Variants in PCDHA12 observed in about 807,000 individuals in gnomAD.
PCDHA12 encodes protocadherin alpha-12.
In PCDHA12, 44 loss-of-function variants were observed where a neutral mutation model predicts 60.0. That is an observed-to-expected ratio of 0.73 (90% CI 0.58 to 0.94). The LOEUF (loss-of-function observed/expected upper bound fraction) is 0.94, where lower values mean the gene tolerates loss of function less well. Ranked by LOEUF, PCDHA12 falls within the 40% of genes least tolerant of loss-of-function variation. PCDHA12 has a pLI of 0.00. For missense variants in PCDHA12, 1,276 were observed against 1,239.7 expected, an observed-to-expected ratio of 1.03 and a Z score of -0.44; for synonymous variants, 569 against 553.0, an observed-to-expected ratio of 1.03 and a Z score of -0.40.
intron 1 of PCDHA12, among the ~76,000 whole-genome samples, chr5:140,940,583 G>A (rs1294741133): frequency 6.6e-6 from 1 of 151,990 alleles, no homozygotes; most frequent in East Asian, 1.9e-4. Flanking sequence ...AAAGTGTTGG[G>A]ATTTCAGGCA....
At chr5:141,003,913 T>C (rs1554259375) in intron 3 of PCDHA12, among the ~76,000 whole-genome samples, 1 of 152,206 alleles carries the variant, frequency 6.6e-6, no homozygotes, top group African/African-American at 2.4e-5. Flanking sequence ...GGGTCTTGAC[T>C]GCATCCTCAG....
chr5:140,916,003 A>G (rs971043760), intron 1 of PCDHA12, among the ~76,000 whole-genome samples: 1 of 152,146 alleles, frequency 6.6e-6, no homozygotes, highest in Non-Finnish European at 1.5e-5. Context: ...CACTCAAACC[A>G]CAAGACAAAG....
intron 1 of PCDHA12, among the ~76,000 whole-genome samples, chr5:140,878,558 C>T: frequency 6.6e-6 from 1 of 152,172 alleles, no homozygotes; most frequent in African/African-American, 2.4e-5. Flanking sequence ...TGATCCCAAA[C>T]TTATCATAGT....
chr5:140,957,473 G>A (rs1307847703), intron 1 of PCDHA12, among the ~76,000 whole-genome samples: 1 of 151,954 alleles, frequency 6.6e-6, no homozygotes, highest in Non-Finnish European at 1.5e-5. Context: ...GTATGTATAG[G>A]AAAAAACATA....
At chr5:140,893,327 GT>G (rs2063928643) in intron 1 of PCDHA12, among the ~76,000 whole-genome samples, 1 of 152,164 alleles carries the variant, frequency 6.6e-6, no homozygotes, top group Non-Finnish European at 1.5e-5. Flanking sequence ...CTCCCATACT[GT>G]TTTCCTTAGT....
At chr5:140,884,539 G>A (rs782320700) in intron 1 of PCDHA12, 78 of 1,613,968 alleles carry the variant, frequency 4.8e-5, no homozygotes, top group Non-Finnish European at 6.2e-5. Flanking sequence ...GGCGGCCGAG[G>A]GTGTGCTCTG....
intron 1 of PCDHA12, chr5:140,928,385 T>G: frequency 6.2e-7 from 1 of 1,614,046 alleles, no homozygotes; most frequent in Middle Eastern, 1.7e-4. Flanking sequence ...TCTAGCTTGC[T>G]GGCAGTGGAA....
chr5:140,989,874 A>C (rs1328387054), intron 3 of PCDHA12, among the ~76,000 whole-genome samples: 1 of 152,098 alleles, frequency 6.6e-6, no homozygotes, highest in Admixed American at 6.6e-5. Context: ...TCTCTGCCTC[A>C]GCACTTGGAG....
At chr5:140,973,984 C>CT (rs2096610197) in intron 1 of PCDHA12, among the ~76,000 whole-genome samples, 1 of 152,186 alleles carries the variant, frequency 6.6e-6, no homozygotes, top group East Asian at 1.9e-4. Flanking sequence ...TTTTACAGAA[C>CT]TTCACCTGGA....
intron 1 of PCDHA12, among the ~76,000 whole-genome samples, chr5:140,935,795 C>T (rs1366379710): frequency 2.0e-5 from 3 of 151,764 alleles, no homozygotes; most frequent in Admixed American, 6.6e-5. Flanking sequence ...AAAATATAAA[C>T]GAGATTATTT....
At chr5:140,929,424 A>G in intron 1 of PCDHA12, 1 of 1,496,380 alleles carries the variant, frequency 6.7e-7, no homozygotes, top group East Asian at 2.3e-5. Flanking sequence ...ACATTTCATC[A>G]ATTGAACTAA....
chr5:140,929,246 C>T, intron 1 of PCDHA12: 1 of 1,613,738 alleles, frequency 6.2e-7, no homozygotes, highest in Non-Finnish European at 8.5e-7. Context: ...AATCTTGCCA[C>T]TGGGGTAGGA....
intron 1 of PCDHA12, among the ~76,000 whole-genome samples, chr5:140,879,380 T>C (rs1213546230): frequency 6.6e-6 from 1 of 152,106 alleles, no homozygotes; most frequent in Admixed American, 6.5e-5. Flanking sequence ...CAGAACAAGG[T>C]TGGAGAAACA....
intron 3 of PCDHA12, among the ~76,000 whole-genome samples, chr5:140,984,059 C>G (rs1269975627): frequency 6.6e-6 from 1 of 152,108 alleles, no homozygotes; most frequent in East Asian, 1.9e-4. Context: ...CAAATCTGTA[C>G]CCTCAGTGCC....
At chr5:140,950,882 G>C (rs1182849126) in intron 1 of PCDHA12, among the ~76,000 whole-genome samples, 1 of 151,764 alleles carries the variant, frequency 6.6e-6, no homozygotes, top group Non-Finnish European at 1.5e-5. Flanking sequence ...TTGTTCAATA[G>C]GTCTCTGAGA....
At chr5:140,942,139 A>C (rs1211983428) in intron 1 of PCDHA12, among the ~76,000 whole-genome samples, 1 of 152,248 alleles carries the variant, frequency 6.6e-6, no homozygotes, top group Non-Finnish European at 1.5e-5. Context: ...TTGTGGCTTT[A>C]CTTGACATAA....
chr5:140,994,747 G>A (rs2097648455), intron 3 of PCDHA12, among the ~76,000 whole-genome samples: 1 of 152,152 alleles, frequency 6.6e-6, no homozygotes, highest in Non-Finnish European at 1.5e-5. Context: ...ATGGCAAGTA[G>A]GATGTGGAGA....
chr5:140,997,324 T>C (rs1447294871), intron 3 of PCDHA12, among the ~76,000 whole-genome samples: 1 of 152,202 alleles, frequency 6.6e-6, no homozygotes, highest in Non-Finnish European at 1.5e-5. Context: ...TAGGCAGTTT[T>C]TTCGTTGTAC....
At chr5:140,897,682 A>G (rs1397590916) in intron 1 of PCDHA12, among the ~76,000 whole-genome samples, 3 of 152,186 alleles carry the variant, frequency 2.0e-5, no homozygotes, top group Non-Finnish European at 4.4e-5. Flanking sequence ...AGCATGATTT[A>G]TAGTCCTTTG....
Sources: allele counts gnomAD v4.1 joint callset (sites outside exome capture counted in the v4.1 genomes callset), GRCh38; gene constraint gnomAD v4.1.1; transcripts MANE v1.5; gene names NCBI Gene and HGNC (gene_info 2026-07-23, HGNC 2026-07-21).